CDK14: variants seen among roughly 807,000 people sequenced by gnomAD.
CDK14 encodes the protein cyclin-dependent kinase 14.
CDK14 carries 34 observed loss-of-function variants against 60.7 expected under a neutral mutation model. The observed-to-expected ratio is 0.56, with a 90% confidence interval of 0.43 to 0.75. The LOEUF (loss-of-function observed/expected upper bound fraction) is 0.75, where lower values mean the gene tolerates loss of function less well. Among genes scored for constraint, CDK14 ranks in the 30% least tolerant of loss-of-function variants. The probability of loss-of-function intolerance (pLI) is 0.00; values close to 1 mark genes in which losing one functional copy is unlikely to be tolerated. For missense variants in CDK14, 482 were observed against 564.1 expected (o/e 0.85, Z 1.47); for synonymous variants, 197 against 203.7 (o/e 0.97, Z 0.28).
chr7:90,974,086 G>T (rs866023428), intron 9 of CDK14, among the ~76,000 whole-genome samples: 3 of 151,894 alleles, frequency 2.0e-5, no homozygotes, highest in African/African-American at 2.4e-5. Flanking sequence ...CCTTCGCTAG[G>T]GTATCAATTA....
intron 10 of CDK14, among the ~76,000 whole-genome samples, chr7:91,006,120 C>G (rs748851152): frequency 1.3e-5 from 2 of 152,256 alleles, no homozygotes; most frequent in African/African-American, 2.4e-5. Context: ...TGCAGGGCAT[C>G]TGGGAACTCA....
intron 5 of CDK14, among the ~76,000 whole-genome samples, chr7:90,811,310 C>T (rs1374857853): frequency 5.3e-5 from 8 of 151,770 alleles, no homozygotes; most frequent in Non-Finnish European, 7.4e-5. Context: ...AGAAATAACG[C>T]CGCATATCTA....
At chr7:90,716,736 G>A (rs1449933550) in intron 2 of CDK14, among the ~76,000 whole-genome samples, 6 of 151,960 alleles carry the variant, frequency 3.9e-5, no homozygotes, top group Non-Finnish European at 7.4e-5. Context: ...ATATGTTACC[G>A]AAGGAGTAGT....
At chr7:90,628,687 TAGAC>T (rs1378522080) in intron 2 of CDK14, among the ~76,000 whole-genome samples, 1 of 151,974 alleles carries the variant, frequency 6.6e-6, no homozygotes, top group Non-Finnish European at 1.5e-5. Flanking sequence ...AAAAACAACT[TAGAC>T]AGGCATGGGG....
intron 14 of CDK14, among the ~76,000 whole-genome samples, chr7:91,170,756 T>C (rs1373691048): frequency 1.3e-4 from 19 of 149,100 alleles, no homozygotes; most frequent in Non-Finnish European, 5.9e-5. Flanking sequence ...CTGTTTTCAA[T>C]CTTTTTTTTT....
chr7:90,626,901 C>T (rs1054114101), intron 2 of CDK14, among the ~76,000 whole-genome samples: 2 of 149,690 alleles, frequency 1.3e-5, no homozygotes, highest in African/African-American at 2.5e-5. Flanking sequence ...ATTGCACCAT[C>T]GCACTCCAGT....
chr7:90,727,741 A>G (rs761048051), intron 3 of CDK14, among the ~76,000 whole-genome samples: 16 of 152,086 alleles, frequency 1.1e-4, no homozygotes, highest in Non-Finnish European at 2.2e-4. Flanking sequence ...AAATCAGATA[A>G]TCTATCAGTT....
At chr7:90,675,447 T>A (rs936473394) in intron 2 of CDK14, among the ~76,000 whole-genome samples, 1 of 152,164 alleles carries the variant, frequency 6.6e-6, no homozygotes, top group African/African-American at 2.4e-5. Context: ...TAGAGCTTTT[T>A]TTCTTGAAAT....
intron 14 of CDK14, among the ~76,000 whole-genome samples, chr7:91,178,294 T>C (rs1442739725): frequency 1.6e-5 from 2 of 123,522 alleles, no homozygotes; most frequent in Non-Finnish European, 3.5e-5. Flanking sequence ...TCCTTACACC[T>C]TATACAAAAA....
chr7:90,863,071 GA>G, intron 5 of CDK14, 103 bp from the exon 6 acceptor site: 1 of 564,656 alleles, frequency 1.8e-6, no homozygotes, highest in Non-Finnish European at 3.1e-6. Context: ...TGGAACATGT[GA>G]AAATAGATAT....
At chr7:90,943,314 T>C (rs775279235) in intron 8 of CDK14, among the ~76,000 whole-genome samples, 5 of 152,150 alleles carry the variant, frequency 3.3e-5, no homozygotes, top group Non-Finnish European at 7.4e-5. Flanking sequence ...TGATCCTTGC[T>C]CTTAGGGAGT....
At chr7:90,819,038 T>G (rs532693370) in intron 5 of CDK14, among the ~76,000 whole-genome samples, 2 of 152,236 alleles carry the variant, frequency 1.3e-5, no homozygotes, top group South Asian at 2.1e-4. Flanking sequence ...TAAACCCGTG[T>G]GTTGCTTTTG....
chr7:91,005,997 AC>A, intron 10 of CDK14, among the ~76,000 whole-genome samples: 1 of 152,296 alleles, frequency 6.6e-6, no homozygotes, highest in South Asian at 2.1e-4. Context: ...TCCTGGTCCC[AC>A]CCTATAGGCA....
chr7:91,056,277 G>A (rs975591030), intron 11 of CDK14, among the ~76,000 whole-genome samples: 6 of 152,126 alleles, frequency 3.9e-5, no homozygotes, highest in Non-Finnish European at 7.3e-5. Flanking sequence ...TGAGAGATTC[G>A]TGACTAAGTG....
chr7:90,951,094 C>T (rs771028715), intron 8 of CDK14, among the ~76,000 whole-genome samples: 29 of 152,116 alleles, frequency 1.9e-4, no homozygotes, highest in Admixed American at 1.6e-3. Context: ...AAAGCCTTCA[C>T]CCCGTGGACT....
At chr7:90,646,868 T>C (rs1239642383) in intron 2 of CDK14, among the ~76,000 whole-genome samples, 1 of 152,170 alleles carries the variant, frequency 6.6e-6, no homozygotes, top group Non-Finnish European at 1.5e-5. Context: ...TGGATAGTTT[T>C]GTTAACAACT....
rs1201174211 is a variant in CDK14, at chr7:91,208,431, AG to A, written c.*1297del. ...GATGCAGGCCGGCTCCCAGTGGGGC[AG>A]GCCTCGCTGCAGAATGCCCAGTAGT... is the stretch of plus-strand genomic sequence containing the variant. On this transcript the variant is annotated 3_prime_UTR_variant, in exon 15 of 15. Coordinates refer to ENST00000380050, the MANE Select transcript of CDK14 (RefSeq NM_001287135.2). 1 of 152,560 alleles carries A rather than the reference AG, an allele frequency of 6.6e-6. No homozygotes were observed. The highest frequency in any genetic ancestry group is 1.5e-5 in the Non-Finnish European group (1 of 68,068). 9.5% of individuals were successfully genotyped at this position (152,560 alleles called of 1,614,324 possible). A position where few individuals can be genotyped will look rare whatever the true frequency, so the allele number is the denominator to read the frequency against.
chr7:91,152,099 ACGGAAAAAT>A (rs1800843688), intron 14 of CDK14, among the ~76,000 whole-genome samples: 1 of 152,196 alleles, frequency 6.6e-6, no homozygotes, highest in South Asian at 2.1e-4. Flanking sequence ...CCAAAGCCTC[ACGGAAAAAT>A]TATAGCTCCC....
chr7:90,608,777 G>A (rs748586009), intron 2 of CDK14, among the ~76,000 whole-genome samples: 1 of 152,014 alleles, frequency 6.6e-6, no homozygotes, highest in Non-Finnish European at 1.5e-5. Flanking sequence ...CACTTATTTT[G>A]TCATTTTCCA....
Sources: allele counts gnomAD v4.1 joint callset (sites outside exome capture counted in the v4.1 genomes callset), GRCh38; gene constraint gnomAD v4.1.1; transcripts MANE v1.5; gene names NCBI Gene and HGNC (gene_info 2026-07-23, HGNC 2026-07-21).